FGGY: variants seen among roughly 807,000 people sequenced by gnomAD.
FGGY encodes the protein FGGY carbohydrate kinase domain containing.
Under a neutral mutation model 71.3 loss-of-function variants are expected in FGGY, and 72 were observed. The observed-to-expected ratio is 1.01, with a 90% CI of 0.84 to 1.23. The LOEUF (loss-of-function observed/expected upper bound fraction) is 1.23. FGGY is among the 50% of genes most tolerant of loss of function. The pLI is 0.00. For missense variants in FGGY, 668 were observed against 682.3 expected (o/e 0.98, Z 0.23); for synonymous variants, 251 against 250.3 (o/e 1.00, Z -0.02).
chr1:59,404,471 G>A (rs2062443165), intron 5 of FGGY, among the ~76,000 whole-genome samples: 1 of 152,084 alleles, frequency 6.6e-6, no homozygotes, highest in African/African-American at 2.4e-5. Context: ...TATTTAGTAG[G>A]GTATAGAGTT....
At chr1:59,370,244 G>T (rs1279676031) in intron 4 of FGGY, among the ~76,000 whole-genome samples, 1 of 152,196 alleles carries the variant, frequency 6.6e-6, no homozygotes, top group African/African-American at 2.4e-5. Flanking sequence ...TGAAAGCCAA[G>T]GCTCGAGAAC....
intron 1 of FGGY, among the ~76,000 whole-genome samples, chr1:59,299,784 A>G (rs552132742): frequency 6.6e-6 from 1 of 152,128 alleles, no homozygotes; most frequent in Non-Finnish European, 1.5e-5. Flanking sequence ...CACAGGCTAA[A>G]CTAATTCCAA....
chr1:59,603,274 T>C (rs2096594737), intron 8 of FGGY, among the ~76,000 whole-genome samples: 2 of 152,220 alleles, frequency 1.3e-5, no homozygotes, highest in Admixed American at 1.3e-4. Context: ...TGTCCCATAA[T>C]AAGCTATTTT....
intron 14 of FGGY, among the ~76,000 whole-genome samples, chr1:59,715,643 T>G (rs1438310148): frequency 6.6e-6 from 1 of 152,222 alleles, no homozygotes; most frequent in Non-Finnish European, 1.5e-5. Flanking sequence ...CAGTTACTTC[T>G]GAGCTTTAGT....
intron 4 of FGGY, among the ~76,000 whole-genome samples, chr1:59,358,700 C>T (rs1385002570): frequency 6.6e-6 from 1 of 152,112 alleles, no homozygotes; most frequent in Non-Finnish European, 1.5e-5. Flanking sequence ...CTTGGGAAGG[C>T]AGTTTGAAAT....
Position 59,757,962 on chromosome 1 carries a change from A to C in FGGY, c.1544A>C (p.Lys515Thr). ...EAMAKMSKVGKVVFPRLQDKK... is the reference protein window; with the variant it reads ...EAMAKMSKVGTVVFPRLQDKK... Reference sequence around the variant, plus strand: ...ATGGCAAAAATGAGCAAAGTTGGGAAAGTTGTGTTCCCGAGACTACAGGAT... The same window carrying C: ...ATGGCAAAAATGAGCAAAGTTGGGACAGTTGTGTTCCCGAGACTACAGGAT... The change falls in exon 15 of 16, where the codon AAA becomes ACA. Residue 515 changes from lysine to threonine, a missense_variant. Around this residue, in one of 2 missense-constraint regions of FGGY, gnomAD observed 661 missense variants for 661.6 expected, o/e 1.00. Transcript: ENST00000303721. 1 of 1,613,434 alleles carries C rather than the reference A, an allele frequency of 6.2e-7. No individual in the cohort carries two copies. The highest frequency in any genetic ancestry group is 2.2e-5 in the East Asian group (1 of 44,854).
At chr1:59,400,871 G>A (rs1193385847) in intron 5 of FGGY, among the ~76,000 whole-genome samples, 1 of 151,912 alleles carries the variant, frequency 6.6e-6, no homozygotes, top group Admixed American at 6.6e-5. Flanking sequence ...TCCCAGGCTC[G>A]AGCAATCTGC....
chr1:59,695,149 G>T (rs2154007790), intron 14 of FGGY, among the ~76,000 whole-genome samples: 1 of 152,328 alleles, frequency 6.6e-6, no homozygotes, highest in East Asian at 1.9e-4. Context: ...GTGACTATGT[G>T]CTAGATGGTG....
In FGGY at chr1:59,686,163, G is replaced by C. The variant is rs188980589; in HGVS notation, c.1512+12030G>C. Among the ~76,000 whole-genome samples the C allele has an allele frequency of 3.5e-4, 54 of 152,278 alleles. No homozygotes were observed. The East Asian group carries it at 6.2e-3, about 17-fold the overall frequency. On this transcript the variant is annotated intron_variant, in intron 14 of 15. Transcript: ENST00000303721. Reference sequence around the variant, plus strand: ...CTTTTTGGAGATGTCACTTGACTCAGTGATAGAACCAAGAATACCCAGTTT... The same window carrying C: ...CTTTTTGGAGATGTCACTTGACTCACTGATAGAACCAAGAATACCCAGTTT...
chr1:59,667,350 G>T lies in FGGY; in HGVS notation c.1364G>T (p.Cys455Phe). The change falls in exon 13 of 16, where the codon TGT (cysteine) becomes TTT (phenylalanine). Residue 455 changes from cysteine to phenylalanine, a missense_variant. This residue lies in a region of FGGY where 661 missense variants were observed against 661.6 expected (regional missense o/e 1.00). Coordinates refer to ENST00000303721, the MANE Select transcript of FGGY (RefSeq NM_018291.5). Reference sequence around the variant, plus strand: ...CACTCAATCAGTACTCTTTTCCTATGTGGAGGCCTCAGCAAGAATCCCCTT... The same window carrying T: ...CACTCAATCAGTACTCTTTTCCTATTTGGAGGCCTCAGCAAGAATCCCCTT... Reference protein sequence around the residue: ...AGHSISTLFLCGGLSKNPLFV... With the variant: ...AGHSISTLFLFGGLSKNPLFV... 6.2e-7 allele frequency: 1 copy of T among 1,614,152 alleles called. No individual in the cohort carries two copies. Among genetic ancestry groups the T allele is most frequent in the Non-Finnish European group, 8.5e-7 (1 of 1,180,010 alleles).
chr1:59,452,551 A>G (rs2091288372), intron 5 of FGGY, among the ~76,000 whole-genome samples: 1 of 152,116 alleles, frequency 6.6e-6, no homozygotes, highest in Admixed American at 6.5e-5. Flanking sequence ...TAGATGTTCT[A>G]TGTGGTCTCT....
intron 8 of FGGY, among the ~76,000 whole-genome samples, chr1:59,572,582 G>A (rs1571451695): frequency 1.3e-5 from 2 of 152,154 alleles, no homozygotes; most frequent in African/African-American, 4.8e-5. Flanking sequence ...GTGGTACTAG[G>A]ATACTAGGAA....
chr1:59,612,775 A>G (rs1390069161), intron 9 of FGGY, among the ~76,000 whole-genome samples: 1 of 152,242 alleles, frequency 6.6e-6, no homozygotes, highest in Non-Finnish European at 1.5e-5. Context: ...AGACACACAT[A>G]GTCTCAAAAT....
At chr1:59,405,750 C>T (rs187499150) in intron 5 of FGGY, among the ~76,000 whole-genome samples, 2 of 152,230 alleles carry the variant, frequency 1.3e-5, no homozygotes, top group Admixed American at 1.3e-4. Context: ...TCATTTGCCC[C>T]ACTTGGTTGG....
At chr1:59,579,521 C>G (rs954005460) in intron 8 of FGGY, among the ~76,000 whole-genome samples, 2 of 152,160 alleles carry the variant, frequency 1.3e-5, no homozygotes, top group African/African-American at 4.8e-5. Flanking sequence ...ACTGTCTTTC[C>G]TAGAACATGA....
chr1:59,624,731 T>C lies in FGGY; in HGVS notation c.1012-1257T>C, dbSNP rs137984881. On this transcript the variant is annotated intron_variant, in intron 9 of 15. Transcript: ENST00000303721. ...CCCCTTATGAAACCATCAAATCTCA[T>C]GAGACTTATTCACTACTACGAAACA... Among the ~76,000 whole-genome samples, 343 of 152,182 alleles carry C rather than the reference T, an allele frequency of 2.3e-3. 5 individuals carry two copies. The highest frequency in any genetic ancestry group is 0.02 in the Admixed American group (301 of 15,290).
At chr1:59,617,818 T>C (rs2096771096) in intron 9 of FGGY, among the ~76,000 whole-genome samples, 1 of 152,072 alleles carries the variant, frequency 6.6e-6, no homozygotes, top group African/African-American at 2.4e-5. Context: ...CTGGAACAAT[T>C]GTGCTTGGAT....
At chr1:59,356,724 T>C (rs1570913437) in intron 4 of FGGY, among the ~76,000 whole-genome samples, 1 of 152,232 alleles carries the variant, frequency 6.6e-6, no homozygotes, top group East Asian at 1.9e-4. Flanking sequence ...ATGCCCAACA[T>C]AAGTTAATTT....
chr1:59,366,236 A>G (rs1212977608), intron 4 of FGGY, among the ~76,000 whole-genome samples: 1 of 152,262 alleles, frequency 6.6e-6, no homozygotes, highest in Non-Finnish European at 1.5e-5. Context: ...TGAAAATTAA[A>G]TAAACTATAC....
Sources: allele counts gnomAD v4.1 joint callset (sites outside exome capture counted in the v4.1 genomes callset), GRCh38; gene constraint gnomAD v4.1.1; regional missense constraint gnomAD v4.1.1; transcripts MANE v1.5; gene names NCBI Gene and HGNC (gene_info 2026-07-23, HGNC 2026-07-21).